The following ALDH18A1 variants were observed in gnomAD, a reference collection of about 807,000 sequenced individuals.
ALDH18A1 encodes the protein delta-1-pyrroline-5-carboxylate synthase.
ALDH18A1 carries 44 observed loss-of-function variants against 88.8 expected under a neutral mutation model. The ratio of observed to expected loss-of-function variants is 0.50; its 90% CI spans 0.39 to 0.64. The LOEUF (loss-of-function observed/expected upper bound fraction) is 0.64. ALDH18A1 is among the 30% of genes least tolerant of loss of function. The probability of loss-of-function intolerance (pLI) is 0.00; values close to 1 mark genes in which losing one functional copy is unlikely to be tolerated. For synonymous variants in ALDH18A1, 331 were observed against 372.1 expected, an observed-to-expected ratio of 0.89 and a Z score of 1.27; for missense variants, 782 against 1,009.5, an observed-to-expected ratio of 0.77 and a Z score of 3.05.
At chr10:95,647,736 C>T (rs572353226) in intron 2 of ALDH18A1, among the ~76,000 whole-genome samples, 1 of 152,354 alleles carries the variant, frequency 6.6e-6, no homozygotes, top group Non-Finnish European at 1.5e-5. Flanking sequence ...TTACCCCACT[C>T]AGTCTATTAG....
chr10:95,611,234 C>T (rs753818459), intron 16 of ALDH18A1, 22 bp downstream of exon 16: 18 of 1,613,020 alleles, frequency 1.1e-5, no homozygotes, highest in East Asian at 4.5e-5. Context: ...ACACTGTATG[C>T]GGGAAGCATC....
At chr10:95,617,352 G>A (rs1174384141) in intron 12 of ALDH18A1, among the ~76,000 whole-genome samples, 1 of 152,260 alleles carries the variant, frequency 6.6e-6, no homozygotes, top group Non-Finnish European at 1.5e-5. Flanking sequence ...GGAAGCACTT[G>A]CTTCATCTGA....
chr10:95,639,625 G>T (rs1233639808), intron 3 of ALDH18A1, among the ~76,000 whole-genome samples: 1 of 151,414 alleles, frequency 6.6e-6, no homozygotes, highest in East Asian at 1.9e-4. Context: ...CCATTATCTG[G>T]AATATTTCAA....
At chr10:95,625,619 G>T (rs112192914) in intron 10 of ALDH18A1, among the ~76,000 whole-genome samples, 164 bp from the exon 11 acceptor site, 8 of 151,996 alleles carry the variant, frequency 5.3e-5, no homozygotes, top group African/African-American at 1.9e-4. Flanking sequence ...TCCCACCACT[G>T]CTCCCCTTAT....
intron 6 of ALDH18A1, 60 bp from the exon 7 acceptor site, chr10:95,633,109 TG>T: frequency 6.8e-7 from 1 of 1,472,526 alleles, no homozygotes; most frequent in Non-Finnish European, 9.5e-7. Context: ...AAGAAATTCA[TG>T]GAAGAACACA....
intron 12 of ALDH18A1, chr10:95,616,830 TC>T: frequency 1.6e-6 from 1 of 643,672 alleles, no homozygotes; most frequent in Non-Finnish European, 2.7e-6. Context: ...GGCTGATGAC[TC>T]CCCGAAGTCA....
At chr10:95,648,614 G>A (rs914497254) in intron 2 of ALDH18A1, among the ~76,000 whole-genome samples, 1 of 152,168 alleles carries the variant, frequency 6.6e-6, no homozygotes, top group Admixed American at 6.5e-5. Context: ...AGAAGGAACA[G>A]TGCATAAATT....
chr10:95,638,908 T>C (rs2097886179), intron 3 of ALDH18A1, among the ~76,000 whole-genome samples: 2 of 152,100 alleles, frequency 1.3e-5, no homozygotes, highest in Non-Finnish European at 2.9e-5. Context: ...AGTCTTGCTT[T>C]GTCACCCATG....
chr10:95,616,560 C>T lies in ALDH18A1; in HGVS notation c.1522G>A (p.Glu508Lys). The change falls in exon 13 of 18, where the codon GAG (glutamate) becomes AAG (lysine). Residue 508 changes from glutamate (E) to lysine (K), a missense_variant. Physicochemically the swap from Glu to Lys is moderately conservative, Grantham distance 56 (BLOSUM62 1). This residue lies in a region of ALDH18A1 where 556 missense variants were observed against 654.5 expected (regional missense o/e 0.85). Transcript: ENST00000371224. ...AGAATCCGGTTGCTGTGTGCAGCCTCCTTCCCTCCTTTGAGTAACAAGCCA... is the reference window on the plus strand; with the variant it reads ...AGAATCCGGTTGCTGTGTGCAGCCTTCTTCCCTCCTTTGAGTAACAAGCCA... ...GNGLLLKGGK[E>K]AAHSNRILHL... 2 of 1,602,306 alleles carry T rather than the reference C, an allele frequency of 1.2e-6. No individual in the cohort carries two copies. Among genetic ancestry groups the T allele is most frequent in the Non-Finnish European group, 1.7e-6 (2 of 1,174,452 alleles).
intron 2 of ALDH18A1, among the ~76,000 whole-genome samples, chr10:95,649,518 C>T (rs2097906750): frequency 6.6e-6 from 1 of 151,804 alleles, no homozygotes; most frequent in Non-Finnish European, 1.5e-5. Context: ...CCACACCCGG[C>T]TAATTTTTTG....
At position 95,627,455 on chromosome 10, in the gene ALDH18A1, T is replaced by C. The variant is rs766672342; in HGVS notation, c.1065A>G (p.Glu355=). The C allele has an allele frequency of 1.2e-5, 19 of 1,614,156 alleles. No homozygotes were observed. The highest frequency in any genetic ancestry group is 1.6e-5 in the Non-Finnish European group (19 of 1,179,972). Residue 355 remains glutamate, a synonymous_variant, in exon 9 of 18, where the codon GAA becomes GAG. Transcript: ENST00000371224. ...AGAACTATTTACCTGCAGGCTTTAC[T>C]TCTGAAAAGAAGGTACCAACTTTCT... ...EGKKVGTFFS[E]VKPAGPTVEQ... is the part of the protein sequence containing the mutation.
At chr10:95,616,659 A>G in intron 12 of ALDH18A1, 45 bp from the exon 13 acceptor site, 1 of 1,581,938 alleles carries the variant, frequency 6.3e-7, no homozygotes, top group Non-Finnish European at 8.6e-7. Flanking sequence ...GACAAACAGT[A>G]ATAGCAACAG....
In ALDH18A1 at chr10:95,616,486, G is replaced by C; in HGVS notation, c.1596C>G (p.Ala532=). The change falls in exon 13 of 18, where the codon GCC becomes GCG. Residue 532 remains alanine (A), a synonymous_variant. Coordinates refer to ENST00000371224, the MANE Select transcript of ALDH18A1 (RefSeq NM_002860.4). The part of the protein sequence containing the change: ...EALSIHGVKE[A]VQLVNTREEV... ...ATTCCCAGGGACCTACCAGTTGCAC[G>C]GCCTCCTTGACTCCATGGATTGAGA... 1 of 1,566,534 alleles carries C rather than the reference G, an allele frequency of 6.4e-7. No homozygotes were observed. Among genetic ancestry groups the C allele is most frequent in the Non-Finnish European group, 8.7e-7 (1 of 1,154,532 alleles).
chr10:95,619,802 A>C lies in ALDH18A1; in HGVS notation c.1467+1229T>G, dbSNP rs534660796. Among the ~76,000 whole-genome samples, 4 of 152,282 alleles carry C rather than the reference A, an allele frequency of 2.6e-5. No individual in the cohort carries two copies. The East Asian group carries it at 7.7e-4, about 29-fold the overall frequency. On this transcript the variant is annotated intron_variant, in intron 12 of 17. Coordinates refer to ENST00000371224, the MANE Select transcript of ALDH18A1 (RefSeq NM_002860.4). ...AAAAATTAATTCAAGATGGATTAAA[A>C]ACTTAAATGTTAGACCTAAAACCAT...
intron 7 of ALDH18A1, chr10:95,628,711 A>C: frequency 1.8e-6 from 1 of 557,036 alleles, no homozygotes; most frequent in Non-Finnish European, 3.2e-6. Context: ...TGGCTTAATA[A>C]ATAAATGTTT....
intron 2 of ALDH18A1, among the ~76,000 whole-genome samples, chr10:95,648,026 T>A (rs1482502311): frequency 8.5e-5 from 13 of 152,198 alleles, no homozygotes; most frequent in African/African-American, 2.9e-4. Context: ...TGCATCACTC[T>A]AGCAAATCAA....
chr10:95,624,656 T>A (rs1275475576), intron 11 of ALDH18A1, among the ~76,000 whole-genome samples: 1 of 152,148 alleles, frequency 6.6e-6, no homozygotes, highest in Non-Finnish European at 1.5e-5. Context: ...GTCAGGGCCC[T>A]GACTCTCTAC....
At chr10:95,615,448 G>A (rs978642790) in intron 13 of ALDH18A1, among the ~76,000 whole-genome samples, 1 of 152,168 alleles carries the variant, frequency 6.6e-6, no homozygotes, top group Admixed American at 6.5e-5. Flanking sequence ...GGCCCTCCAG[G>A]ATGTTGGACT....
chr10:95,609,794 GT>G (rs1480337414), intron 17 of ALDH18A1, among the ~76,000 whole-genome samples: 1 of 79,380 alleles, frequency 1.3e-5, no homozygotes, highest in East Asian at 2.6e-4. Flanking sequence ...TTGAGATGGT[GT>G]CTCACTCTGT....
Sources: gnomAD v4.1 joint callset for allele counts (sites outside exome capture counted in the v4.1 genomes callset) on GRCh38, gnomAD v4.1.1 for gene constraint, gnomAD v4.1.1 regional missense constraint, MANE v1.5 for transcripts, NCBI Gene and HGNC (gene_info 2026-07-23, HGNC 2026-07-21) for gene names.